PDE8B: variants seen among roughly 807,000 people sequenced by gnomAD.
The protein encoded by PDE8B is high affinity cAMP-specific and IBMX-insensitive 3',5'-cyclic phosphodiesterase 8B.
PDE8B carries 26 observed loss-of-function variants against 101.3 expected under a neutral mutation model. The ratio of observed to expected loss-of-function variants is 0.26; its 90% confidence interval spans 0.19 to 0.36. The LOEUF (loss-of-function observed/expected upper bound fraction) is 0.36. PDE8B is among the 10% of genes least tolerant of loss of function. The pLI, the probability that PDE8B is intolerant of heterozygous loss-of-function variation, is 1.00. For synonymous variants in PDE8B, 424 were observed against 429.3 expected, an observed-to-expected ratio of 0.99 and a Z score of 0.15; for missense variants, 810 against 1,163.1, an observed-to-expected ratio of 0.70 and a Z score of 4.42.
chr5:77,120,020 A>G, the PDE8B span, among the ~76,000 whole-genome samples: 1 of 151,968 alleles, frequency 6.6e-6, no homozygotes, highest in Non-Finnish European at 1.5e-5. Context: ...AAACAAAACA[A>G]AAACTGGAAA....
the PDE8B span, among the ~76,000 whole-genome samples, chr5:77,138,299 C>G: frequency 1.3e-5 from 2 of 152,162 alleles, no homozygotes; most frequent in African/African-American, 4.8e-5. Context: ...CCCTCTGGCC[C>G]TGCTTTTAGG....
At chr5:77,274,956 A>G (rs998123805) in intron 1 of PDE8B, among the ~76,000 whole-genome samples, 1 of 152,226 alleles carries the variant, frequency 6.6e-6, no homozygotes, top group Admixed American at 6.5e-5. Flanking sequence ...TTAAGTGGTC[A>G]GAAATTTAAT....
intron 1 of PDE8B, among the ~76,000 whole-genome samples, chr5:77,225,266 A>G (rs909522800): frequency 2.0e-5 from 3 of 152,218 alleles, no homozygotes; most frequent in African/African-American, 7.2e-5. Context: ...TAATGAGTTG[A>G]TTTCCTAGCA....
chr5:77,295,573 A>G (rs1768338053), intron 1 of PDE8B, among the ~76,000 whole-genome samples: 1 of 152,180 alleles, frequency 6.6e-6, no homozygotes, highest in African/African-American at 2.4e-5. Flanking sequence ...GAAGCCACAC[A>G]CCAATGCACC....
At chr5:77,335,321 A>G (rs574233498) in intron 5 of PDE8B, among the ~76,000 whole-genome samples, 14 of 152,312 alleles carry the variant, frequency 9.2e-5, no homozygotes, top group Admixed American at 1.3e-4. Context: ...TTATCCATCT[A>G]AAAGCTCAAA....
intron 1 of PDE8B, among the ~76,000 whole-genome samples, chr5:77,309,157 C>T (rs866047104): frequency 7.4e-6 from 1 of 134,898 alleles, no homozygotes; most frequent in Non-Finnish European, 1.5e-5. Context: ...CCAGCCTGGG[C>T]GACAGAGTGA....
chr5:77,104,544 C>T, the PDE8B span: 3 of 152,202 alleles, frequency 2.0e-5, no homozygotes, highest in South Asian at 2.1e-4. Context: ...ATCACCCGCT[C>T]CAGAGGATGC....
intron 1 of PDE8B, among the ~76,000 whole-genome samples, chr5:77,287,040 T>C (rs1766161512): frequency 6.6e-6 from 1 of 152,214 alleles, no homozygotes; most frequent in Non-Finnish European, 1.5e-5. Flanking sequence ...GAAATTACTG[T>C]CATTTTCTAC....
intron 1 of PDE8B, chr5:77,291,701 G>A (rs574011778): frequency 1.3e-6 from 2 of 1,594,366 alleles, no homozygotes; most frequent in African/African-American, 2.7e-5. Flanking sequence ...GTGGTGGCAG[G>A]GAATCTGGCA....
At chr5:77,263,318 A>G (rs934183653) in intron 1 of PDE8B, among the ~76,000 whole-genome samples, 3 of 152,230 alleles carry the variant, frequency 2.0e-5, no homozygotes, top group African/African-American at 7.2e-5. Context: ...AGGTTAAATA[A>G]CATATCCTGA....
In PDE8B at chr5:77,222,150, A is replaced by G. The variant is rs541050884; in HGVS notation, c.339+10886A>G. Among the ~76,000 whole-genome samples, 33 of 152,146 alleles carry G rather than the reference A, an allele frequency of 2.2e-4. No individual in the cohort carries two copies. The South Asian group carries it at 6.9e-3, about 32-fold the overall frequency. On this transcript the variant is annotated intron_variant, in intron 1 of 21. Transcript: ENST00000264917. ...TGAATTCCAGCTCTGCCCTGTACAA[A>G]CTTTGTGACTTTGGAGAAGCTGCAT...
At chr5:77,424,620 T>C (rs1009581954) in intron 20 of PDE8B, among the ~76,000 whole-genome samples, 1 of 152,226 alleles carries the variant, frequency 6.6e-6, no homozygotes, top group Admixed American at 6.5e-5. Context: ...TTCAGCTCAA[T>C]TCAAGTGCAT....
the PDE8B span, chr5:77,115,098 C>T: frequency 6.6e-6 from 1 of 152,112 alleles, no homozygotes; most frequent in Non-Finnish European, 1.5e-5. Flanking sequence ...TGAAATATAC[C>T]CCATGTCTGC....
the PDE8B span, chr5:77,165,216 A>C: frequency 1.3e-5 from 2 of 152,324 alleles, no homozygotes; most frequent in South Asian, 4.1e-4. Context: ...AGCGTAATAA[A>C]ATAATTAGGA....
At chr5:77,281,252 C>T (rs773305905) in intron 1 of PDE8B, among the ~76,000 whole-genome samples, 4 of 152,208 alleles carry the variant, frequency 2.6e-5, no homozygotes, top group East Asian at 1.9e-4. Context: ...GGTCTTCCAG[C>T]GTCCCTCCCC....
Position 77,378,456 on chromosome 5 carries a change from TAAAAAAAAAAAAAAAA to T in PDE8B, c.1168-21779_1168-21764del, listed in dbSNP as rs58121927. On this transcript the variant is annotated intron_variant, in intron 10 of 21. Transcript: ENST00000264917. ...CCTGGCGACAGAGCAAGACTCCATC[TAAAAAAAAAAAAAAAA>T]AAAAAAAAAAAAGGGCATGTACCAA... 5.8e-5 allele frequency among the ~76,000 whole-genome samples: 4 copies of T among 69,352 alleles called. 1 individual carries two copies. Among genetic ancestry groups the T allele is most frequent in the African/African-American group, 2.0e-4 (4 of 19,644 alleles). 45.5% of individuals were successfully genotyped at this position (69,352 alleles called of 152,430 possible).
At chr5:77,086,723 G>A in the PDE8B span, 1 of 152,246 alleles carries the variant, frequency 6.6e-6, no homozygotes, top group African/African-American at 2.4e-5. Flanking sequence ...GCGACATCAA[G>A]CAAGTCCCAG....
chr5:77,399,338 C>T (rs957279691), intron 10 of PDE8B, among the ~76,000 whole-genome samples: 8 of 152,222 alleles, frequency 5.3e-5, no homozygotes, highest in Admixed American at 2.6e-4. Flanking sequence ...GTTGCTTTGG[C>T]CTCCGCAGAC....
chr5:77,210,693 C>T lies in PDE8B; in HGVS notation c.-233C>T, dbSNP rs1748064946. ...GCGCGGGGCGCTGTGTATGCGCGCTCCCCCGCTCGGGGAGGAAGATGGCCC... is the reference window on the plus strand; with the variant it reads ...GCGCGGGGCGCTGTGTATGCGCGCTTCCCCGCTCGGGGAGGAAGATGGCCC... On this transcript the variant is annotated 5_prime_UTR_variant, in exon 1 of 22. Transcript: ENST00000264917. This position sits in a 1 kb window ranked among gnomAD's most constrained non-coding sequence, Gnocchi z 4.9. 3.1e-6 allele frequency: 3 copies of T among 980,320 alleles called. No individual in the cohort carries two copies. Among genetic ancestry groups the T allele is most frequent in the African/African-American group, 3.5e-5 (2 of 56,598 alleles). The allele number at this position is 980,320 out of a possible 1,614,324, so 60.7% of individuals were successfully genotyped here. A position where few individuals can be genotyped will look rare whatever the true frequency, so the allele number is the denominator to read the frequency against.
Sources: gnomAD v4.1 joint callset for allele counts (sites outside exome capture counted in the v4.1 genomes callset) on GRCh38, gnomAD v4.1.1 for gene constraint, Gnocchi (gnomAD v3.1) non-coding constraint, MANE v1.5 for transcripts, NCBI Gene and HGNC (gene_info 2026-07-23, HGNC 2026-07-21) for gene names.